The following TDRD5 variants were observed in gnomAD, a reference collection of about 807,000 sequenced individuals.
TDRD5 encodes the protein tudor domain containing 5, also known as tudor domain-containing protein 5.
In TDRD5, 41 loss-of-function variants were observed where a neutral mutation model predicts 120.6. The ratio of observed to expected loss-of-function variants is 0.34; its 90% CI spans 0.26 to 0.44. TDRD5 has a LOEUF of 0.44. Among genes scored for constraint, TDRD5 ranks in the 20% least tolerant of loss-of-function variants. The pLI is 1.00. For missense variants in TDRD5, 1,006 were observed against 1,221.2 expected, an observed-to-expected ratio of 0.82 and a Z score of 2.63; for synonymous variants, 430 against 433.7, an observed-to-expected ratio of 0.99 and a Z score of 0.11.
chr1:179,595,642 C>T lies in TDRD5; in HGVS notation c.655C>T (p.Gln219Ter). Residue 219 changes from glutamine to a stop codon, truncating the protein, a stop_gained, in exon 4 of 18, where the codon CAG becomes TAG. Transcript: ENST00000444136. LOFTEE classifies it high-confidence loss of function. ...RGCPAGKIFT[Q>*]PFRMKQGSYS... is the part of the protein sequence containing the mutation. ...ACTCACAAAAGGTAAAATTTTTACC[C>T]AGCCATTTAGAATGAAACAAGGGTC... 2 of 1,573,630 alleles carry T rather than the reference C, an allele frequency of 1.3e-6. No individual in the cohort carries two copies.
chr1:179,645,878 T>C (rs1558402959), intron 11 of TDRD5, among the ~76,000 whole-genome samples: 1 of 152,174 alleles, frequency 6.6e-6, no homozygotes, highest in East Asian at 1.9e-4. Context: ...TTGTCTGATG[T>C]TAATATAACT....
At chr1:179,616,217 T>TTATA (rs1676556658) in intron 4 of TDRD5, among the ~76,000 whole-genome samples, 1 of 152,106 alleles carries the variant, frequency 6.6e-6, no homozygotes, top group African/African-American at 2.4e-5. Context: ...TTTTCCAAGC[T>TTATA]TTTATAATTG....
rs1354136967 is a variant in TDRD5, at chr1:179,595,633, A to C, written c.646A>C (p.Ile216Leu). Reference sequence around the variant, plus strand: ...TCTTCTATTACTCACAAAAGGTAAAATTTTTACCCAGCCATTTAGAATGAA... The same window carrying C: ...TCTTCTATTACTCACAAAAGGTAAACTTTTTACCCAGCCATTTAGAATGAA... Reference protein sequence around the residue: ...EKPRGCPAGKIFTQPFRMKQG... With the variant: ...EKPRGCPAGKLFTQPFRMKQG... Residue 216 changes from isoleucine (I) to leucine (L), a missense_variant, in exon 4 of 18, where the codon ATT (isoleucine) becomes CTT (leucine). Around this residue, in one of 3 missense-constraint regions of TDRD5, gnomAD observed 445 missense variants for 515.5 expected, o/e 0.86. Coordinates refer to ENST00000444136, the MANE Select transcript of TDRD5 (RefSeq NM_001199085.3). 1.9e-6 allele frequency: 3 copies of C among 1,561,234 alleles called. No homozygotes were observed. Among genetic ancestry groups the C allele is most frequent in the Non-Finnish European group, 2.6e-6 (3 of 1,158,410 alleles).
chr1:179,604,799 G>A (rs1675887796), intron 4 of TDRD5, among the ~76,000 whole-genome samples: 1 of 151,992 alleles, frequency 6.6e-6, no homozygotes, highest in Non-Finnish European at 1.5e-5. Context: ...CCTATTATAT[G>A]GTCTATCTTG....
intron 7 of TDRD5, among the ~76,000 whole-genome samples, chr1:179,633,009 A>C (rs1446997426): frequency 6.6e-6 from 1 of 152,202 alleles, no homozygotes; most frequent in African/African-American, 2.4e-5. Context: ...AAAGTGAAAA[A>C]CAGTGTTGTA....
intron 14 of TDRD5, among the ~76,000 whole-genome samples, chr1:179,660,142 C>G (rs1679221050): frequency 6.7e-6 from 1 of 149,678 alleles, no homozygotes; most frequent in South Asian, 2.1e-4. Context: ...TTTCATTCAT[C>G]TGCCTCCTCT....
At chr1:179,666,180 A>G (rs1275711655) in intron 16 of TDRD5, among the ~76,000 whole-genome samples, 1 of 152,176 alleles carries the variant, frequency 6.6e-6, no homozygotes, top group Non-Finnish European at 1.5e-5. Flanking sequence ...CTTCTAATCC[A>G]ACTCCCATCA....
At chr1:179,625,983 A>C (rs1677103412) in intron 6 of TDRD5, among the ~76,000 whole-genome samples, 1 of 151,810 alleles carries the variant, frequency 6.6e-6, no homozygotes, top group Non-Finnish European at 1.5e-5. Context: ...CAAACACCGC[A>C]TATTCTCACT....
chr1:179,593,923 A>G (rs6698746), intron 3 of TDRD5, 56 bp downstream of exon 3: 110,767 of 1,561,822 alleles, frequency 0.071, 4,529 homozygotes, highest in African/African-American at 0.15. Context: ...GTGTGTAATC[A>G]CTAAGGTCTA....
intron 13 of TDRD5, among the ~76,000 whole-genome samples, chr1:179,652,644 AAGCATTCACATGTGTTAACT>A (rs146480454): frequency 0.047 from 7,165 of 152,276 alleles, 262 homozygotes; most frequent in Non-Finnish European, 0.069. Flanking sequence ...GCACTGTTAA[AAGCATTCACATGTGTTAACT>A]AATTTAATCT....
intron 6 of TDRD5, among the ~76,000 whole-genome samples, chr1:179,624,749 G>A (rs796612876): frequency 1.4e-4 from 21 of 152,276 alleles, no homozygotes; most frequent in African/African-American, 4.8e-4. Context: ...ACTAATAAAT[G>A]GAGAGGTGTA....
intron 17 of TDRD5, among the ~76,000 whole-genome samples, chr1:179,690,386 C>T (rs748033722): frequency 1.8e-4 from 27 of 152,236 alleles, no homozygotes; most frequent in Admixed American, 4.6e-4. Context: ...TTGGGATTTC[C>T]GTTATATCCA....
At chr1:179,681,153 T>C (rs1680399973) in intron 17 of TDRD5, among the ~76,000 whole-genome samples, 1 of 152,198 alleles carries the variant, frequency 6.6e-6, no homozygotes, top group Admixed American at 6.5e-5. Context: ...TCACCACTCA[T>C]TGCAGGCTCA....
At position 179,663,890 on chromosome 1, in the gene TDRD5, C is replaced by T. The variant is rs760331261; in HGVS notation, c.2649+399C>T. Among the ~76,000 whole-genome samples the T allele has an allele frequency of 4.5e-4, 68 of 152,222 alleles. 1 individual carries two copies. The highest frequency in any genetic ancestry group is 7.2e-4 in the Non-Finnish European group (49 of 67,974). ...TCATAATTTTAAGCTCTATATTTGT[C>T]GCATAGTCTAGACTGGTTTCTTCAT... On this transcript the variant is annotated intron_variant, in intron 16 of 17. Transcript: ENST00000444136.
intron 5 of TDRD5, among the ~76,000 whole-genome samples, chr1:179,619,005 ATG>A (rs547548232): frequency 1.1e-3 from 162 of 152,222 alleles, no homozygotes; most frequent in Non-Finnish European, 1.2e-3. Flanking sequence ...TATTGTTCCA[ATG>A]TGTGTTATCC....
In TDRD5 at chr1:179,618,684, T is replaced by C. The variant is rs1411800508; in HGVS notation, c.915+2T>C. ...GAACTAAAACATAAGATAAAATTTGTAAGTAATTTCTGTTTCTGGGAGACA... is the reference window on the plus strand; with the variant it reads ...GAACTAAAACATAAGATAAAATTTGCAAGTAATTTCTGTTTCTGGGAGACA... On this transcript the variant is annotated splice_donor_variant, in intron 5 of 17. Coordinates refer to ENST00000444136, the MANE Select transcript of TDRD5 (RefSeq NM_001199085.3). LOFTEE classifies it high-confidence loss of function. 6.4e-7 allele frequency: 1 copy of C among 1,568,748 alleles called. No individual in the cohort carries two copies. Among genetic ancestry groups the C allele is most frequent in the East Asian group, 2.3e-5 (1 of 43,082 alleles).
Position 179,592,882 on chromosome 1 carries a change from G to T in TDRD5, c.232+35G>T. The T allele has an allele frequency of 1.9e-6, 3 of 1,580,842 alleles. No individual in the cohort carries two copies. The South Asian group carries it at 3.4e-5, about 18-fold the overall frequency. On this transcript the variant is annotated intron_variant, in intron 2 of 17. Coordinates refer to ENST00000444136, the MANE Select transcript of TDRD5 (RefSeq NM_001199085.3). Reference sequence around the variant, plus strand: ...AGATTTTTGAAGGTCTATAAACTTTGTAATAAAAACAATTGCTTAGTAAAT... The same window carrying T: ...AGATTTTTGAAGGTCTATAAACTTTTTAATAAAAACAATTGCTTAGTAAAT...
At chr1:179,664,664 T>G (rs913387542) in intron 16 of TDRD5, among the ~76,000 whole-genome samples, 1 of 152,182 alleles carries the variant, frequency 6.6e-6, no homozygotes, top group Non-Finnish European at 1.5e-5. Flanking sequence ...CTGAATAATA[T>G]TCCCTTCTAT....
intron 14 of TDRD5, among the ~76,000 whole-genome samples, chr1:179,657,129 G>C (rs1679047700): frequency 6.6e-6 from 1 of 152,012 alleles, no homozygotes; most frequent in Non-Finnish European, 1.5e-5. Flanking sequence ...TTAATATTTT[G>C]GTTCCTTTTT....
Sources: allele counts gnomAD v4.1 joint callset (sites outside exome capture counted in the v4.1 genomes callset), GRCh38; gene constraint gnomAD v4.1.1; regional missense constraint gnomAD v4.1.1; transcripts MANE v1.5; gene names NCBI Gene and HGNC (gene_info 2026-07-23, HGNC 2026-07-21).